HAPSTR1: variants seen among roughly 807,000 people sequenced by gnomAD.
HAPSTR1 encodes the protein HUWE1 associated protein modifying stress responses.
chr16:9,103,356 T>A, the HAPSTR1 span: 1 of 1,304,818 alleles, frequency 7.7e-7, no homozygotes. Context: ...TATACTGTTT[T>A]TTGTCTTACA....
the HAPSTR1 span, chr16:9,121,063 T>G: frequency 2.6e-4 from 40 of 152,006 alleles, no homozygotes; most frequent in African/African-American, 9.2e-4. Context: ...GCCTCCCGGG[T>G]TCAAGCGATT....
chr16:9,099,238 C>T, the HAPSTR1 span, among the ~76,000 whole-genome samples: 2 of 150,628 alleles, frequency 1.3e-5, no homozygotes, highest in Non-Finnish European at 3.0e-5. Flanking sequence ...TTGCGTGTCA[C>T]CCAGCCTGGA....
the HAPSTR1 span, among the ~76,000 whole-genome samples, chr16:9,100,632 C>G: frequency 6.6e-6 from 1 of 152,122 alleles, no homozygotes; most frequent in Non-Finnish European, 1.5e-5. Context: ...TTCCCAGGTT[C>G]AAGTGATTCT....
chr16:9,107,936 G>A, the HAPSTR1 span: 2 of 151,882 alleles, frequency 1.3e-5, no homozygotes, highest in South Asian at 2.1e-4. Flanking sequence ...TTTACCACTG[G>A]GGTTATCACA....
At chr16:9,106,742 G>A in the HAPSTR1 span, 1 of 152,114 alleles carries the variant, frequency 6.6e-6, no homozygotes, top group African/African-American at 2.4e-5. Context: ...AGGAATTAAA[G>A]AGATAAACAT....
the HAPSTR1 span, among the ~76,000 whole-genome samples, chr16:9,101,948 C>T: frequency 7.9e-5 from 12 of 152,170 alleles, no homozygotes; most frequent in African/African-American, 1.7e-4. Flanking sequence ...TGGTGAAACC[C>T]GGTCTCTACT....
chr16:9,103,106 A>T, the HAPSTR1 span: 1 of 1,614,074 alleles, frequency 6.2e-7, no homozygotes, highest in Non-Finnish European at 8.5e-7. Context: ...AGAAGATTTG[A>T]TCAGCTTCCT....
At chr16:9,095,241 G>T in the HAPSTR1 span, among the ~76,000 whole-genome samples, 4 of 152,160 alleles carry the variant, frequency 2.6e-5, no homozygotes, top group Non-Finnish European at 5.9e-5. Flanking sequence ...GGAGTGTGTG[G>T]ATAATACTCT....
the HAPSTR1 span, chr16:9,102,925 A>G: frequency 1.3e-6 from 2 of 1,544,120 alleles, no homozygotes; most frequent in African/African-American, 2.8e-5. Flanking sequence ...TTTTCTTTAG[A>G]AGGGAATACG....
the HAPSTR1 span, chr16:9,104,424 C>T: frequency 6.6e-6 from 1 of 152,176 alleles, no homozygotes; most frequent in Non-Finnish European, 1.5e-5. Flanking sequence ...TGAAAGTTAA[C>T]ATTTTTGGGC....
the HAPSTR1 span, among the ~76,000 whole-genome samples, chr16:9,115,687 T>C: frequency 6.6e-6 from 1 of 152,102 alleles, no homozygotes; most frequent in Admixed American, 6.5e-5. Flanking sequence ...CAGTCTCGGT[T>C]CTTTGCAACC....
At chr16:9,103,994 G>C in the HAPSTR1 span, 1 of 152,154 alleles carries the variant, frequency 6.6e-6, no homozygotes, top group East Asian at 1.9e-4. Context: ...TGACAGCATT[G>C]AATACTGCTG....
the HAPSTR1 span, among the ~76,000 whole-genome samples, chr16:9,094,716 T>C: frequency 6.6e-6 from 1 of 152,234 alleles, no homozygotes; most frequent in African/African-American, 2.4e-5. Context: ...AGTATTACTC[T>C]ATGGTGTGGC....
the HAPSTR1 span, among the ~76,000 whole-genome samples, chr16:9,113,866 T>C: frequency 6.6e-6 from 1 of 152,150 alleles, no homozygotes; most frequent in African/African-American, 2.4e-5. Context: ...ATGGCAATGA[T>C]TTAAGTGAAG....
the HAPSTR1 span, among the ~76,000 whole-genome samples, chr16:9,099,494 G>T: frequency 6.6e-6 from 1 of 152,158 alleles, no homozygotes. Context: ...TGCCATGCCC[G>T]CCCAGTTCCT....
At chr16:9,117,146 G>A in the HAPSTR1 span, 10 of 552,866 alleles carry the variant, frequency 1.8e-5, no homozygotes, top group African/African-American at 7.6e-5. Context: ...TTGTGTAGTC[G>A]TTAGCAAGAT....
the HAPSTR1 span, among the ~76,000 whole-genome samples, chr16:9,101,977 C>G: frequency 6.6e-6 from 1 of 152,066 alleles, no homozygotes; most frequent in Non-Finnish European, 1.5e-5. Flanking sequence ...AAAAATTAGC[C>G]AGGCATGGTG....
At chr16:9,110,869 C>T in the HAPSTR1 span, 3 of 152,302 alleles carry the variant, frequency 2.0e-5, no homozygotes, top group African/African-American at 7.2e-5. Flanking sequence ...GAAACCCCGT[C>T]TCTACTAAAA....
At chr16:9,112,904 T>C in the HAPSTR1 span, 1 of 152,200 alleles carries the variant, frequency 6.6e-6, no homozygotes, top group Non-Finnish European at 1.5e-5. Context: ...TGTCTAATCA[T>C]GCTACTTGTT....
Sources: allele counts gnomAD v4.1 joint callset (sites outside exome capture counted in the v4.1 genomes callset), GRCh38; gene constraint gnomAD v4.1.1; transcripts MANE v1.5; gene names NCBI Gene and HGNC (gene_info 2026-07-23, HGNC 2026-07-21).